The following KIF19 variants were observed in gnomAD, a reference collection of about 807,000 sequenced individuals.
The protein encoded by KIF19 is kinesin family member 19.
Under a neutral mutation model 106.6 loss-of-function variants are expected in KIF19, and 98 were observed. The observed-to-expected ratio is 0.92, with a 90% CI of 0.78 to 1.09. The LOEUF (loss-of-function observed/expected upper bound fraction) is 1.09. KIF19 is among the 50% of genes least tolerant of loss of function. The pLI, the probability that KIF19 is intolerant of heterozygous loss-of-function variation, is 0.00. For synonymous variants in KIF19, 516 were observed against 584.2 expected, an observed-to-expected ratio of 0.88 and a Z score of 1.68; for missense variants, 1,373 against 1,414.3, an observed-to-expected ratio of 0.97 and a Z score of 0.47.
chr17:74,328,539 A>G (rs747747135), intron 2 of KIF19, 34 bp downstream of exon 2: 1 of 1,557,640 alleles, frequency 6.4e-7, no homozygotes. Context: ...GCTGCAGGGC[A>G]GAGGTCTGCT....
chr17:74,330,471 G>T (rs2054046864), intron 2 of KIF19, among the ~76,000 whole-genome samples: 1 of 152,178 alleles, frequency 6.6e-6, no homozygotes, highest in Admixed American at 6.5e-5. Context: ...GAGCCATAGA[G>T]TTCAGGAGGA....
At chr17:74,336,998 G>C (rs983160320) in intron 2 of KIF19, among the ~76,000 whole-genome samples, 4 of 151,962 alleles carry the variant, frequency 2.6e-5, no homozygotes, top group Non-Finnish European at 5.9e-5. Flanking sequence ...GCTAGTTTTT[G>C]TATTTTTAGT....
At chr17:74,328,655 C>A in intron 2 of KIF19, 150 bp downstream of exon 2, 4 of 616,322 alleles carry the variant, frequency 6.5e-6, no homozygotes, top group Non-Finnish European at 8.4e-6. Context: ...ATGACATCAC[C>A]AAGGAAGCTG....
In KIF19 at chr17:74,344,376, C is replaced by T. The variant is rs1253641861; in HGVS notation, c.582+28C>T. 7 of 1,606,804 alleles carry T rather than the reference C, an allele frequency of 4.4e-6. No individual in the cohort carries two copies. The African/African-American group carries it at 5.3e-5, about 12-fold the overall frequency. On this transcript the variant is annotated intron_variant, in intron 6 of 19. Coordinates refer to ENST00000389916, the MANE Select transcript of KIF19 (RefSeq NM_153209.4). ...GAGTTTTGTGTGGCCAGCCTGGAGC[C>T]GCTGAGAGGAAGCTCACCGCCTGAG...
Position 74,349,282 on chromosome 17 carries a change from T to A in KIF19, c.1146T>A (p.Ile382=), listed in dbSNP as rs1277921820. Residue 382 remains isoleucine (I), a synonymous_variant, in exon 10 of 20, where the codon ATT becomes ATA. Coordinates refer to ENST00000389916, the MANE Select transcript of KIF19 (RefSeq NM_153209.4). Reference sequence around the variant, plus strand: ...AGATCCAGCGACTCAAGCGCAAGATTGATGAGCAGACTGGGCGGGGCCAGG... The same window carrying A: ...AGATCCAGCGACTCAAGCGCAAGATAGATGAGCAGACTGGGCGGGGCCAGG... ...RGEIQRLKRK[I]DEQTGRGQAR... 1 of 1,613,102 alleles carries A rather than the reference T, an allele frequency of 6.2e-7. No homozygotes were observed. Among genetic ancestry groups the A allele is most frequent in the Middle Eastern group, 1.7e-4 (1 of 6,058 alleles).
intron 2 of KIF19, among the ~76,000 whole-genome samples, chr17:74,335,239 C>T (rs1269553035): frequency 6.6e-6 from 1 of 152,196 alleles, no homozygotes; most frequent in African/African-American, 2.4e-5. Flanking sequence ...CAACATTCTA[C>T]AATGCACAGA....
rs777268675 is a variant in KIF19 at position 74,354,827 on chromosome 17, C to T, written c.2752C>T (p.Arg918Cys). Residue 918 changes from arginine to cysteine, a missense_variant, in exon 19 of 20, where the codon CGC becomes TGC. Arg to Cys is a radical substitution (Grantham distance 180). Transcript: ENST00000389916. Reference sequence around the variant, plus strand: ...CCTCCTGGGGCCCCATCAGGCGGAGCGCATCTCGGACCACAGGATGCCAGT... The same window carrying T: ...CCTCCTGGGGCCCCATCAGGCGGAGTGCATCTCGGACCACAGGATGCCAGT... ...THLLGPHQAERISDHRMPVCR... is the reference protein window; with the variant it reads ...THLLGPHQAECISDHRMPVCR... 9.0e-6 allele frequency: 14 copies of T among 1,560,382 alleles called. No individual in the cohort carries two copies. Among genetic ancestry groups the T allele is most frequent in the Admixed American group, 3.8e-5 (2 of 52,040 alleles).
Position 74,326,861 on chromosome 17 carries a change from AGTGCCTGGTTCTTG to A in KIF19, c.39+475_39+488del, listed in dbSNP as rs1276732986. ...CCCCTGGTGTCAGGATGGGGCCCGG[AGTGCCTGGTTCTTG>A]GGCTGCAACACGGATGCTGCCCAAG... is the stretch of plus-strand genomic sequence containing the variant. On this transcript the variant is annotated intron_variant, in intron 1 of 19. Coordinates refer to ENST00000389916, the MANE Select transcript of KIF19 (RefSeq NM_153209.4). Among the ~76,000 whole-genome samples, 7 of 75,030 alleles carry A rather than the reference AGTGCCTGGTTCTTG, an allele frequency of 9.3e-5. No homozygotes were observed. The East Asian group carries it at 2.7e-3, about 29-fold the overall frequency. The allele number at this position is 75,030 out of a possible 152,430, so 49.2% of individuals were successfully genotyped here. A position where few individuals can be genotyped will look rare whatever the true frequency, so the allele number is the denominator to read the frequency against.
In KIF19 at chr17:74,350,527, C is replaced by A. The variant is rs771796736; in HGVS notation, c.1340C>A (p.Ala447Asp). ...RRRLLELENR[A>D]MEVQIDTSRH... ...CGCCTGCTGGAGCTGGAGAACCGCG[C>A]CATGGAGGTCCAGATTGACACCTCC... The change falls in exon 11 of 20, where the codon GCC (alanine) becomes GAC (aspartate). Residue 447 changes from alanine to aspartate, a missense_variant. Physicochemically the swap from Ala to Asp is moderately radical, Grantham distance 126 (BLOSUM62 -2). This residue lies in a region of KIF19 where 1,020 missense variants were observed against 1,008.2 expected (regional missense o/e 1.01). Coordinates refer to ENST00000389916, the MANE Select transcript of KIF19 (RefSeq NM_153209.4). The A allele has an allele frequency of 1.2e-6, 2 of 1,612,932 alleles. No homozygotes were observed. The highest frequency in any genetic ancestry group is 1.7e-6 in the Non-Finnish European group (2 of 1,179,854).
At chr17:74,342,132 A>AATGG in intron 3 of KIF19, 146 bp downstream of exon 3, 1 of 643,002 alleles carries the variant, frequency 1.6e-6, no homozygotes, top group Non-Finnish European at 2.7e-6. Flanking sequence ...TTCCCCATTC[A>AATGG]GGAAGGTTCT....
In KIF19 at chr17:74,350,744, C is replaced by A; in HGVS notation, c.1426C>A (p.Arg476=). 1.2e-6 allele frequency: 2 copies of A among 1,613,864 alleles called. No individual in the cohort carries two copies. The highest frequency in any genetic ancestry group is 8.5e-7 in the Non-Finnish European group (1 of 1,179,890). ...HEKSRRALKW[R]EEQRKECYAK... ...GAAGTCCCGCCGGGCCCTCAAATGG[C>A]GGGAGGAGCAGCGAAAGGAGTGCTA... is the stretch of plus-strand genomic sequence containing the variant. The change falls in exon 12 of 20, where the codon CGG becomes AGG. Residue 476 remains arginine, a synonymous_variant. Transcript: ENST00000389916.
At chr17:74,349,494 T>A in intron 10 of KIF19, 145 bp downstream of exon 10, 1 of 753,028 alleles carries the variant, frequency 1.3e-6, no homozygotes, top group Non-Finnish European at 2.1e-6. Flanking sequence ...CTGAGCCTCC[T>A]AGCATTCAGC....
intron 3 of KIF19, 84 bp downstream of exon 3, chr17:74,342,070 G>A (rs2054393169): frequency 1.0e-6 from 1 of 980,904 alleles, no homozygotes; most frequent in Admixed American, 2.0e-5. Context: ...CAGGGCCCCT[G>A]CCTTTGAACC....
chr17:74,330,308 A>G (rs1567895713), intron 2 of KIF19, among the ~76,000 whole-genome samples: 1 of 152,230 alleles, frequency 6.6e-6, no homozygotes, highest in East Asian at 1.9e-4. Context: ...GTGGAGACAG[A>G]CATCATGATG....
At position 74,354,166 on chromosome 17, in the gene KIF19, GAAGGAGA is replaced by G. The variant is rs2054803898; in HGVS notation, c.2314_2320del (p.Lys772SerfsTer2). 2 of 1,605,816 alleles carry G rather than the reference GAAGGAGA, an allele frequency of 1.2e-6. No homozygotes were observed. The highest frequency in any genetic ancestry group is 1.7e-5 in the Admixed American group (1 of 59,280). On this transcript the variant is annotated frameshift_variant, in exon 18 of 20. Coordinates refer to ENST00000389916, the MANE Select transcript of KIF19 (RefSeq NM_153209.4). LOFTEE classifies it high-confidence loss of function. ...GTTCCCCGTGTCCCGCTGCAGAGAG[GAAGGAGA>G]TCCTGACTGGCACCAAGTGCATCTG... is the stretch of plus-strand genomic sequence containing the variant.
chr17:74,340,944 C>T (rs1439074927), intron 2 of KIF19, among the ~76,000 whole-genome samples: 9 of 149,298 alleles, frequency 6.0e-5, no homozygotes, highest in East Asian at 1.9e-4. Context: ...TGATGTGTGA[C>T]GACCTGGGGG....
rs1397714778 is a variant in KIF19, at chr17:74,352,268, C to T, written c.1908C>T (p.Tyr636=). The T allele has an allele frequency of 6.2e-7, 1 of 1,613,006 alleles. No individual in the cohort carries two copies. The highest frequency in any genetic ancestry group is 2.2e-5 in the East Asian group (1 of 44,870). The part of the protein sequence containing the change: ...PQRLEELYEV[Y]LRELEEGSLE... ...GCCTGGAAGAGCTCTACGAAGTGTA[C>T]CTGCGGGAGCTGGAGGAGGGCAGCC... The change falls in exon 14 of 20, where the codon TAC becomes TAT. Residue 636 remains tyrosine (Y), a synonymous_variant. Coordinates refer to ENST00000389916, the MANE Select transcript of KIF19 (RefSeq NM_153209.4).
chr17:74,326,732 C>A (rs1426912238), intron 1 of KIF19, among the ~76,000 whole-genome samples: 2 of 152,102 alleles, frequency 1.3e-5, no homozygotes, highest in Non-Finnish European at 2.9e-5. Flanking sequence ...CCTAACTGCC[C>A]CCAGAAGGAG....
Position 74,333,155 on chromosome 17 carries a change from C to T in KIF19, c.120+4650C>T, listed in dbSNP as rs564258561. ...ACTCCCTGCACACCGACCATCTGGACGCTTCTTGGCCCTGGTTCCCCAAAG... is the reference window on the plus strand; with the variant it reads ...ACTCCCTGCACACCGACCATCTGGATGCTTCTTGGCCCTGGTTCCCCAAAG... On this transcript the variant is annotated intron_variant, in intron 2 of 19. Coordinates refer to ENST00000389916, the MANE Select transcript of KIF19 (RefSeq NM_153209.4). Among the ~76,000 whole-genome samples the T allele has an allele frequency of 5.9e-5, 9 of 152,312 alleles. No individual in the cohort carries two copies. The South Asian group carries it at 6.2e-4, about 11-fold the overall frequency.
Sources: gnomAD v4.1 joint callset for allele counts (sites outside exome capture counted in the v4.1 genomes callset) on GRCh38, gnomAD v4.1.1 for gene constraint, gnomAD v4.1.1 regional missense constraint, MANE v1.5 for transcripts, NCBI Gene and HGNC (gene_info 2026-07-23, HGNC 2026-07-21) for gene names.